The following RBPJ variants were observed in gnomAD, a reference collection of about 807,000 sequenced individuals.
RBPJ encodes the protein recombining binding protein suppressor of hairless.
A neutral mutation model predicts 67.8 loss-of-function variants in RBPJ; 9 were observed. The observed-to-expected ratio is 0.13, with a 90% confidence interval of 0.08 to 0.23. The LOEUF (loss-of-function observed/expected upper bound fraction) is 0.23, where lower values mean the gene tolerates loss of function less well. Among genes scored for constraint, RBPJ ranks in the 10% least tolerant of loss-of-function variants. RBPJ has a pLI of 1.00. For missense variants in RBPJ, 305 were observed against 595.6 expected (o/e 0.51, Z 5.08); for synonymous variants, 198 against 203.3 (o/e 0.97, Z 0.22).
intron 1 of RBPJ, among the ~76,000 whole-genome samples, chr4:26,183,469 T>C (rs1195898487): frequency 6.6e-6 from 1 of 152,206 alleles, no homozygotes; most frequent in Non-Finnish European, 1.5e-5. Context: ...CAGACAGGGC[T>C]CTCCCATGCC....
chr4:26,352,500 C>T (rs1448092431), intron 1 of RBPJ, among the ~76,000 whole-genome samples: 1 of 152,160 alleles, frequency 6.6e-6, no homozygotes, highest in Non-Finnish European at 1.5e-5. Flanking sequence ...GCACTCACAT[C>T]ATTAAAAATT....
At chr4:26,119,551 C>A in the RBPJ span, among the ~76,000 whole-genome samples, 1 of 152,186 alleles carries the variant, frequency 6.6e-6, no homozygotes, top group Non-Finnish European at 1.5e-5. Context: ...TTTCTTTACA[C>A]GGTTCTCTCC....
intron 1 of RBPJ, among the ~76,000 whole-genome samples, chr4:26,173,659 G>A (rs1716688718): frequency 6.6e-6 from 1 of 152,144 alleles, no homozygotes; most frequent in African/African-American, 2.4e-5. Context: ...ATAAACTTTT[G>A]TGGGCTGGCT....
At chr4:26,338,417 G>T (rs1725129474) in intron 1 of RBPJ, among the ~76,000 whole-genome samples, 1 of 151,848 alleles carries the variant, frequency 6.6e-6, no homozygotes, top group Admixed American at 6.6e-5. Flanking sequence ...GCCTCCCAAA[G>T]TGCTGGGATT....
At chr4:26,320,267 G>T (rs1185396667), upstream of RBPJ, among the ~76,000 whole-genome samples, 1 of 152,204 alleles carries the variant, frequency 6.6e-6, no homozygotes, top group East Asian at 1.9e-4. Context: ...GGCCATTAGG[G>T]GTGTCTTTGC....
intron 1 of RBPJ, among the ~76,000 whole-genome samples, chr4:26,280,201 C>G (rs1458086108): frequency 6.6e-6 from 1 of 151,640 alleles, no homozygotes; most frequent in Non-Finnish European, 1.5e-5. Context: ...TGCAGACCAG[C>G]CTGGCTAACA....
chr4:26,219,758 G>A (rs572041482), intron 1 of RBPJ, among the ~76,000 whole-genome samples: 2 of 152,200 alleles, frequency 1.3e-5, no homozygotes, highest in African/African-American at 4.8e-5. Flanking sequence ...ATATGGCAGA[G>A]TCAGGTTTTT....
At position 26,254,948 on chromosome 4, in the gene RBPJ, G is replaced by C. The variant is rs557206681; in HGVS notation, c.-167+91334G>C. Among the ~76,000 whole-genome samples, 7 of 124,848 alleles carry C rather than the reference G, an allele frequency of 5.6e-5. 1 individual carries two copies. Among genetic ancestry groups the C allele is most frequent in the African/African-American group, 1.5e-4 (4 of 26,972 alleles). 81.9% of individuals were successfully genotyped at this position (124,848 alleles called of 152,430 possible). ...TTGAACTCATCTGAAGTGATCCACC[G>C]GCCTTGGCCTCCCAAAGTGCTGGGA... On this transcript the variant is annotated intron_variant, in intron 1 of 4. Transcript: ENST00000512351.
At chr4:26,159,936 T>A (rs1716046705), upstream of RBPJ, among the ~76,000 whole-genome samples, 1 of 151,840 alleles carries the variant, frequency 6.6e-6, no homozygotes, top group Admixed American at 6.6e-5. Flanking sequence ...TTTTTTTTTT[T>A]GAGACGGAGT....
chr4:26,381,871 G>T (rs964465021), intron 1 of RBPJ, among the ~76,000 whole-genome samples: 7 of 152,188 alleles, frequency 4.6e-5, no homozygotes, highest in African/African-American at 1.2e-4. Flanking sequence ...ATTAAAACTA[G>T]ATTTTATATA....
chr4:26,310,507 A>G (rs1320215516), intron 1 of RBPJ, among the ~76,000 whole-genome samples: 1 of 152,172 alleles, frequency 6.6e-6, no homozygotes, highest in Non-Finnish European at 1.5e-5. Flanking sequence ...AGAAGCTCCT[A>G]TCAGCTATCT....
intron 3 of RBPJ, among the ~76,000 whole-genome samples, chr4:26,410,975 G>A (rs1264681700): frequency 6.6e-6 from 1 of 152,196 alleles, no homozygotes; most frequent in Non-Finnish European, 1.5e-5. Flanking sequence ...TGTTTTATAG[G>A]ATATCTTTTT....
chr4:26,178,295 G>C (rs903409788), intron 1 of RBPJ, among the ~76,000 whole-genome samples: 10 of 152,170 alleles, frequency 6.6e-5, no homozygotes, highest in African/African-American at 1.9e-4. Flanking sequence ...ATAGAACAGG[G>C]ACTCCATGGC....
chr4:26,298,990 A>C (rs191730056), intron 1 of RBPJ, among the ~76,000 whole-genome samples: 1 of 152,336 alleles, frequency 6.6e-6, no homozygotes, highest in African/African-American at 2.4e-5. Flanking sequence ...AGAAAGCTGA[A>C]TTCGTACCTC....
At chr4:26,158,531 G>A (rs1279038670), upstream of RBPJ, among the ~76,000 whole-genome samples, 1 of 152,198 alleles carries the variant, frequency 6.6e-6, no homozygotes, top group Non-Finnish European at 1.5e-5. Context: ...CAGTAAGTAT[G>A]CTTAAAACCT....
rs759625858 is a variant in RBPJ, at chr4:26,430,910, C to G, written c.1367C>G (p.Pro456Arg). The G allele has an allele frequency of 6.2e-7, 1 of 1,613,854 alleles. No individual in the cohort carries two copies. Among genetic ancestry groups the G allele is most frequent in the Non-Finnish European group, 8.5e-7 (1 of 1,179,964 alleles). Residue 456 changes from proline (P) to arginine (R), a missense_variant, in exon 11 of 11, where the codon CCC becomes CGC. Physicochemically the swap from Pro to Arg is moderately radical, Grantham distance 103 (BLOSUM62 -2). Around this residue, in one of 7 missense-constraint regions of RBPJ, gnomAD observed 51 missense variants for 52.8 expected, o/e 0.97. Transcript: ENST00000355476. This position sits in a 1 kb window ranked among gnomAD's most constrained non-coding sequence, Gnocchi z 4.1. ...AILRANSSQV[P>R]PNESNTNSEG... ...CTTCGAGCCAATTCAAGCCAGGTGC[C>G]CCCTAACGAATCAAACACAAACAGC...
chr4:26,275,988 T>A (rs573160564), intron 1 of RBPJ, among the ~76,000 whole-genome samples: 21 of 150,958 alleles, frequency 1.4e-4, no homozygotes, highest in Non-Finnish European at 2.8e-4. Flanking sequence ...TTTAAAGCTA[T>A]TGTAGGCTGG....
At chr4:26,239,930 G>A (rs1719579087) in intron 1 of RBPJ, among the ~76,000 whole-genome samples, 1 of 152,064 alleles carries the variant, frequency 6.6e-6, no homozygotes, top group South Asian at 2.1e-4. Flanking sequence ...TTTCCACTTT[G>A]CAAAATTTTT....
At chr4:26,144,049 A>G in the RBPJ span, among the ~76,000 whole-genome samples, 4 of 152,242 alleles carry the variant, frequency 2.6e-5, no homozygotes, top group Admixed American at 6.5e-5. Context: ...GTTAAATTTC[A>G]AAAGGCCACA....
Sources: gnomAD v4.1 joint callset for allele counts (sites outside exome capture counted in the v4.1 genomes callset) on GRCh38, gnomAD v4.1.1 for gene constraint, gnomAD v4.1.1 regional missense constraint, Gnocchi (gnomAD v3.1) non-coding constraint, MANE v1.5 for transcripts, NCBI Gene and HGNC (gene_info 2026-07-23, HGNC 2026-07-21) for gene names.